Variants in CSN3 observed in about 807,000 individuals in gnomAD.
The protein encoded by CSN3 is casein kappa.
Under a neutral mutation model 9.9 loss-of-function variants are expected in CSN3, and 7 were observed. That is an observed-to-expected ratio of 0.71 (90% confidence interval 0.40 to 1.33). CSN3 has a LOEUF of 1.33. Among genes scored for constraint, CSN3 ranks in the 40% most tolerant of loss-of-function variants. CSN3 has a pLI of 0.01. For missense variants in CSN3, 253 were observed against 227.9 expected (o/e 1.11, Z -0.71); for synonymous variants, 88 against 82.3 (o/e 1.07, Z -0.37).
At chr4:70,250,407 G>A (rs1273481348) in intron 4 of CSN3, among the ~76,000 whole-genome samples, 1 of 152,022 alleles carries the variant, frequency 6.6e-6, no homozygotes, top group Non-Finnish European at 1.5e-5. Flanking sequence ...TCTTTCATCT[G>A]CTTGCCTAAT....
At chr4:70,244,974 C>A in intron 2 of CSN3, 101 bp downstream of exon 2, 1 of 538,834 alleles carries the variant, frequency 1.9e-6, no homozygotes, top group Non-Finnish European at 3.2e-6. Flanking sequence ...CTTCATAGAA[C>A]AAAATATCCA....
upstream of CSN3, among the ~76,000 whole-genome samples, chr4:70,239,939 T>C (rs1271755053): frequency 6.6e-6 from 1 of 152,020 alleles, no homozygotes; most frequent in Non-Finnish European, 1.5e-5. Flanking sequence ...ACCAATTTTC[T>C]AATGCCTTAC....
At chr4:70,249,822 C>T (rs548457044) in intron 4 of CSN3, among the ~76,000 whole-genome samples, 1 of 152,236 alleles carries the variant, frequency 6.6e-6, no homozygotes, top group Non-Finnish European at 1.5e-5. Flanking sequence ...TAGAGTAAAA[C>T]AGCAAGTAAC....
chr4:70,246,821 G>A (rs1408764663), intron 2 of CSN3, among the ~76,000 whole-genome samples: 6 of 151,634 alleles, frequency 4.0e-5, no homozygotes, highest in African/African-American at 7.3e-5. Context: ...ACAAGTGCCC[G>A]CCACCATGCC....
chr4:70,239,097 G>T (rs974427951), upstream of CSN3, among the ~76,000 whole-genome samples: 1 of 151,750 alleles, frequency 6.6e-6, no homozygotes, highest in Non-Finnish European at 1.5e-5. Flanking sequence ...TAAAGATAGA[G>T]GGAGAAAAGA....
upstream of CSN3, among the ~76,000 whole-genome samples, chr4:70,240,010 T>A (rs1311503907): frequency 1.3e-5 from 2 of 151,964 alleles, no homozygotes; most frequent in Non-Finnish European, 2.9e-5. Flanking sequence ...AACATTATTG[T>A]ACTTCAAGAA....
upstream of CSN3, among the ~76,000 whole-genome samples, chr4:70,242,222 T>C (rs575754448): frequency 7.9e-5 from 12 of 151,822 alleles, no homozygotes; most frequent in African/African-American, 2.4e-4. Flanking sequence ...TAAAAAGATA[T>C]GAATACTTTT....
chr4:70,243,546 G>A (rs1360746893), intron 1 of CSN3, among the ~76,000 whole-genome samples: 1 of 152,060 alleles, frequency 6.6e-6, no homozygotes, highest in Non-Finnish European at 1.5e-5. Flanking sequence ...ATGGAGTCCA[G>A]TGGGCTTTCC....
At chr4:70,244,438 G>GA (rs1282653460) in intron 1 of CSN3, among the ~76,000 whole-genome samples, 1 of 151,984 alleles carries the variant, frequency 6.6e-6, no homozygotes, top group Non-Finnish European at 1.5e-5. Flanking sequence ...TTTATTAATA[G>GA]AAAACCACTT....
At position 70,244,806 on chromosome 4, in the gene CSN3, C is replaced by T. The variant is rs1267904824; in HGVS notation, c.-8-6C>T. 6.7e-7 allele frequency: 1 copy of T among 1,494,614 alleles called. No individual in the cohort carries two copies. Among genetic ancestry groups the T allele is most frequent in the South Asian group, 1.4e-5 (1 of 69,498 alleles). 92.6% of individuals were successfully genotyped at this position (1,494,614 alleles called of 1,614,324 possible). ...TAAATTAATTTTTTTTTAAATTTAT[C>T]TTTAGGTGCAATAATGAAGAGTTTT... On this transcript the variant is annotated splice_polypyrimidine_tract_variant and splice_region_variant and intron_variant, in intron 1 of 4. Coordinates refer to ENST00000304954, the Ensembl canonical transcript of CSN3.
upstream of CSN3, among the ~76,000 whole-genome samples, chr4:70,240,320 T>C (rs1730248498): frequency 6.6e-6 from 1 of 151,996 alleles, no homozygotes. Flanking sequence ...TGAATGGTGG[T>C]ATGAATATAC....
chr4:70,249,355 G>T lies in CSN3; in HGVS notation c.445G>T (p.Glu149Ter). 1 of 1,613,952 alleles carries T rather than the reference G, an allele frequency of 6.2e-7. No homozygotes were observed. Among genetic ancestry groups the T allele is most frequent in the Admixed American group, 1.7e-5 (1 of 59,956 alleles). ...TGAACCTACACCAGCTCCTGCCACTGAACCAACGGTGGACAGTGTAGTCAC... is the reference window on the plus strand; with the variant it reads ...TGAACCTACACCAGCTCCTGCCACTTAACCAACGGTGGACAGTGTAGTCAC... The change falls in exon 4 of 5, where the codon GAA becomes TAA. Residue 149 changes from glutamate (E) to a stop codon, truncating the protein, a stop_gained. Coordinates refer to ENST00000304954, the Ensembl canonical transcript of CSN3. LOFTEE classifies it low-confidence loss of function (END_TRUNC).
exon 5 of CSN3, chr4:70,251,302 G>A (rs2109701149): frequency 6.6e-6 from 1 of 152,228 alleles, no homozygotes; most frequent in South Asian, 2.1e-4. Context: ...CTCTCCTTCA[G>A]CCATTTGTCT....
At chr4:70,248,583 T>C (rs1730423158) in intron 3 of CSN3, among the ~76,000 whole-genome samples, 1 of 152,152 alleles carries the variant, frequency 6.6e-6, no homozygotes, top group Non-Finnish European at 1.5e-5. Flanking sequence ...TGAGAATACA[T>C]ACGTGTGTGT....
upstream of CSN3, among the ~76,000 whole-genome samples, chr4:70,240,501 G>C (rs62307450): frequency 0.11 from 17,237 of 151,954 alleles, 1,294 homozygotes; most frequent in East Asian, 0.27. Context: ...CTCTCAGTTT[G>C]GAGGCCTTGT....
At chr4:70,249,251 A>C (rs1421258208) in exon 4 of CSN3, 1 of 1,614,142 alleles carries the variant, frequency 6.2e-7, no homozygotes, top group Admixed American at 1.7e-5. Flanking sequence ...CCAAACCTGC[A>C]TCCATCATTT....
At chr4:70,240,751 T>A (rs115472520), upstream of CSN3, among the ~76,000 whole-genome samples, 3,456 of 152,136 alleles carry the variant, frequency 0.023, 65 homozygotes, top group Non-Finnish European at 0.032. Context: ...AGAACAGAGA[T>A]GTTTACCTGC....
intron 2 of CSN3, 123 bp from the exon 3 acceptor site, chr4:70,247,694 GT>G: frequency 1.2e-6 from 1 of 829,190 alleles, no homozygotes; most frequent in Non-Finnish European, 1.9e-6. Flanking sequence ...CATGAAAAAT[GT>G]TTTAAAAAAT....
chr4:70,249,861 TAGA>T (rs1334701660), intron 4 of CSN3, among the ~76,000 whole-genome samples: 3 of 152,204 alleles, frequency 2.0e-5, no homozygotes, highest in African/African-American at 7.2e-5. Context: ...AAATAATTTT[TAGA>T]AGAAGTTATA....
Sources: gnomAD v4.1 joint callset for allele counts (sites outside exome capture counted in the v4.1 genomes callset) on GRCh38, gnomAD v4.1.1 for gene constraint, MANE v1.5 for transcripts, NCBI Gene and HGNC (gene_info 2026-07-23, HGNC 2026-07-21) for gene names.